The following SOX5 variants were observed in gnomAD, a reference collection of about 807,000 sequenced individuals.
SOX5 encodes SRY-box transcription factor 5.
Under a neutral mutation model 92.0 loss-of-function variants are expected in SOX5, and 9 were observed. That is an observed-to-expected ratio of 0.10 (90% CI 0.06 to 0.17). The LOEUF (loss-of-function observed/expected upper bound fraction) is 0.17, where lower values mean the gene tolerates loss of function less well. Among genes scored for constraint, SOX5 ranks in the 10% least tolerant of loss-of-function variants. The probability of loss-of-function intolerance (pLI) is 1.00; values close to 1 mark genes in which losing one functional copy is unlikely to be tolerated. For synonymous variants in SOX5, 344 were observed against 336.3 expected (o/e 1.02, Z -0.25); for missense variants, 642 against 944.5 (o/e 0.68, Z 4.20).
At chr12:23,686,190 T>C (rs2087545656) in intron 6 of SOX5, among the ~76,000 whole-genome samples, 1 of 152,164 alleles carries the variant, frequency 6.6e-6, no homozygotes. Context: ...TGAATGAATA[T>C]AACTCAATTT....
intron 1 of SOX5, among the ~76,000 whole-genome samples, chr12:24,510,807 G>T (rs1460809527): frequency 6.6e-6 from 1 of 152,142 alleles, no homozygotes; most frequent in Admixed American, 6.5e-5. Context: ...GCCTCAACAA[G>T]AATTTCTTAC....
At chr12:23,883,180 CA>C (rs71059941) in intron 2 of SOX5, among the ~76,000 whole-genome samples, 52 of 136,880 alleles carry the variant, frequency 3.8e-4, no homozygotes, top group African/African-American at 4.3e-4. Flanking sequence ...GACTCCATCT[CA>C]AAAAAAAAAA....
At chr12:23,883,007 C>A (rs2097015054) in intron 2 of SOX5, among the ~76,000 whole-genome samples, 1 of 152,018 alleles carries the variant, frequency 6.6e-6, no homozygotes, top group African/African-American at 2.4e-5. Context: ...CAGTGAAACC[C>A]CGTCTCTACT....
At chr12:24,163,804 T>A (rs1437396010) in intron 4 of SOX5, among the ~76,000 whole-genome samples, 1 of 152,026 alleles carries the variant, frequency 6.6e-6, no homozygotes, top group Admixed American at 6.6e-5. Flanking sequence ...TATGGGTCTC[T>A]CTCTCTCTTT....
intron 3 of SOX5, among the ~76,000 whole-genome samples, chr12:24,252,478 T>C (rs1940290083): frequency 6.6e-6 from 1 of 151,846 alleles, no homozygotes; most frequent in Non-Finnish European, 1.5e-5. Context: ...AATGGAAAAA[T>C]TTCTCCAAAA....
intron 3 of SOX5, among the ~76,000 whole-genome samples, chr12:23,835,863 T>C (rs1236348555): frequency 2.6e-5 from 4 of 151,734 alleles, no homozygotes; most frequent in Non-Finnish European, 5.9e-5. Context: ...TTAAAACATA[T>C]TTAATTATCA....
intron 4 of SOX5, among the ~76,000 whole-genome samples, chr12:24,120,140 T>C (rs1302671260): frequency 6.6e-6 from 1 of 152,198 alleles, no homozygotes; most frequent in Non-Finnish European, 1.5e-5. Context: ...CTAGTATGTA[T>C]CTTTCGGTGA....
At chr12:24,074,525 GAATCT>G (rs560165335) in intron 4 of SOX5, among the ~76,000 whole-genome samples, 3 of 144,976 alleles carry the variant, frequency 2.1e-5, no homozygotes, top group African/African-American at 7.6e-5. Context: ...TTGCAATATG[GAATCT>G]AATGTTTATA....
At chr12:24,228,237 T>C (rs1431851497) in intron 3 of SOX5, among the ~76,000 whole-genome samples, 1 of 152,142 alleles carries the variant, frequency 6.6e-6, no homozygotes, top group Non-Finnish European at 1.5e-5. Flanking sequence ...ATTTTCCTCA[T>C]ACAGACACAA....
chr12:24,533,061 C>A (rs949033756), intron 1 of SOX5, among the ~76,000 whole-genome samples: 2 of 152,156 alleles, frequency 1.3e-5, no homozygotes, highest in Non-Finnish European at 1.5e-5. Flanking sequence ...AACTTTTCAA[C>A]AAATTATCAC....
At chr12:23,816,886 T>G (rs1339324388) in intron 3 of SOX5, among the ~76,000 whole-genome samples, 1 of 152,210 alleles carries the variant, frequency 6.6e-6, no homozygotes, top group Non-Finnish European at 1.5e-5. Flanking sequence ...GAGGCTCTTT[T>G]TCCATTCTTG....
intron 1 of SOX5, among the ~76,000 whole-genome samples, chr12:24,444,270 A>ATGTGTATGTG (rs1555297016): frequency 3.5e-4 from 52 of 149,154 alleles, no homozygotes; most frequent in Non-Finnish European, 6.1e-4. Context: ...AGGCCACTGA[A>ATGTGTATGTG]TGTGTGTGTG....
intron 4 of SOX5, among the ~76,000 whole-genome samples, chr12:24,021,738 C>T (rs1290249941): frequency 1.3e-5 from 2 of 152,094 alleles, no homozygotes; most frequent in Non-Finnish European, 2.9e-5. Flanking sequence ...TAACGAAGTA[C>T]GCTTTGTCAG....
At chr12:23,610,904 G>C (rs2075872175) in intron 8 of SOX5, among the ~76,000 whole-genome samples, 1 of 152,116 alleles carries the variant, frequency 6.6e-6, no homozygotes. Flanking sequence ...ACAGAACCAA[G>C]AGTTGAAGCA....
intron 1 of SOX5, among the ~76,000 whole-genome samples, chr12:24,401,342 A>T (rs1184866729): frequency 2.1e-4 from 29 of 140,920 alleles, no homozygotes; most frequent in African/African-American, 7.4e-4. Context: ...ACAGAGCAAG[A>T]CTCCATCTCA....
chr12:23,637,518 C>T (rs953314484), intron 8 of SOX5, among the ~76,000 whole-genome samples: 1 of 152,136 alleles, frequency 6.6e-6, no homozygotes, highest in African/African-American at 2.4e-5. Flanking sequence ...TCTCATTCCT[C>T]CCACCCTATC....
intron 6 of SOX5, among the ~76,000 whole-genome samples, chr12:23,691,681 A>G (rs2088845889): frequency 6.6e-6 from 1 of 152,116 alleles, no homozygotes; most frequent in African/African-American, 2.4e-5. Context: ...GTTCTATCAT[A>G]TTTTAAATGT....
chr12:23,850,765 CACTT>C (rs199940783), intron 2 of SOX5, among the ~76,000 whole-genome samples: 2,649 of 152,260 alleles, frequency 0.017, 25 homozygotes, highest in Non-Finnish European at 0.027. Flanking sequence ...CCCTAAACCA[CACTT>C]ACTCCTTTGG....
chr12:23,576,075 A>G (rs1949056271), intron 9 of SOX5, among the ~76,000 whole-genome samples: 1 of 152,254 alleles, frequency 6.6e-6, no homozygotes, highest in African/African-American at 2.4e-5. Context: ...CTACCCACAG[A>G]AAGCAGATAA....
Sources: allele counts gnomAD v4.1 joint callset (sites outside exome capture counted in the v4.1 genomes callset), GRCh38; gene constraint gnomAD v4.1.1; transcripts MANE v1.5; gene names NCBI Gene and HGNC (gene_info 2026-07-23, HGNC 2026-07-21).